Variants in PLXNA4 observed in about 807,000 individuals in gnomAD.
The protein encoded by PLXNA4 is plexin-A4.
In PLXNA4, 44 loss-of-function variants were observed where a neutral mutation model predicts 191.8. The ratio of observed to expected loss-of-function variants is 0.23; its 90% CI spans 0.18 to 0.29. The LOEUF is 0.29. Ranked by LOEUF, PLXNA4 falls within the 10% of genes least tolerant of loss-of-function variation. The probability of loss-of-function intolerance (pLI) is 1.00; values close to 1 mark genes in which losing one functional copy is unlikely to be tolerated. For missense variants in PLXNA4, 1,800 were observed against 2,488.8 expected, an observed-to-expected ratio of 0.72 and a Z score of 5.89; for synonymous variants, 1,082 against 1,009.5, an observed-to-expected ratio of 1.07 and a Z score of -1.36.
At chr7:132,144,686 C>T (rs1795367321) in intron 29 of PLXNA4, among the ~76,000 whole-genome samples, 1 of 152,200 alleles carries the variant, frequency 6.6e-6, no homozygotes, top group South Asian at 2.1e-4. Context: ...TTGTCCCACA[C>T]CAGCAGACTT....
intron 1 of PLXNA4, among the ~76,000 whole-genome samples, chr7:132,572,624 A>G (rs12534663): frequency 0.038 from 5,783 of 152,240 alleles, 256 homozygotes; most frequent in African/African-American, 0.1. Flanking sequence ...TTCGTTTTAA[A>G]ATCCATCTCT....
chr7:132,173,646 C>T (rs1179373567), intron 21 of PLXNA4, among the ~76,000 whole-genome samples: 2 of 152,238 alleles, frequency 1.3e-5, no homozygotes, highest in African/African-American at 4.8e-5. Flanking sequence ...CAGAGGTGCA[C>T]AGCCTACTAC....
chr7:132,557,229 C>T (rs558028718), intron 1 of PLXNA4, among the ~76,000 whole-genome samples: 26 of 152,296 alleles, frequency 1.7e-4, no homozygotes, highest in African/African-American at 4.8e-4. Context: ...TCAGACCTAC[C>T]TGCACCATGA....
At chr7:132,173,247 A>C (rs1351524621) in intron 21 of PLXNA4, among the ~76,000 whole-genome samples, 1 of 152,254 alleles carries the variant, frequency 6.6e-6, no homozygotes, top group Non-Finnish European at 1.5e-5. Flanking sequence ...GAAAAATAAA[A>C]GGAAGAGAAA....
chr7:132,160,285 A>G (rs1795910999), intron 24 of PLXNA4, among the ~76,000 whole-genome samples: 1 of 152,184 alleles, frequency 6.6e-6, no homozygotes, highest in Non-Finnish European at 1.5e-5. Context: ...GGTTCAGGAC[A>G]CCTGAGATTC....
At chr7:132,219,799 G>A (rs1038250496) in intron 9 of PLXNA4, among the ~76,000 whole-genome samples, 3 of 152,098 alleles carry the variant, frequency 2.0e-5, no homozygotes, top group Admixed American at 1.3e-4. Flanking sequence ...TTTTTACCAT[G>A]CTTTTTCTAT....
chr7:132,442,410 C>T (rs568306304), intron 3 of PLXNA4, among the ~76,000 whole-genome samples: 1 of 152,300 alleles, frequency 6.6e-6, no homozygotes, highest in South Asian at 2.1e-4. Context: ...TCCCAACCCC[C>T]ATCCCACTTT....
At chr7:132,204,283 A>T (rs1240477447) in intron 10 of PLXNA4, among the ~76,000 whole-genome samples, 1 of 152,208 alleles carries the variant, frequency 6.6e-6, no homozygotes, top group Non-Finnish European at 1.5e-5. Flanking sequence ...GATGGCCCCT[A>T]GTCTGCCTTC....
chr7:132,599,504 T>A (rs1802778170), intron 2 of PLXNA4, among the ~76,000 whole-genome samples: 1 of 152,194 alleles, frequency 6.6e-6, no homozygotes, highest in South Asian at 2.1e-4. Context: ...ACTCTATTTT[T>A]AAATATTTTA....
intron 3 of PLXNA4, among the ~76,000 whole-genome samples, chr7:132,359,512 T>A (rs1803850314): frequency 6.6e-6 from 1 of 152,166 alleles, no homozygotes; most frequent in African/African-American, 2.4e-5. Flanking sequence ...CTACCGTGCC[T>A]GGCTGTCAAG....
At chr7:132,162,970 T>A (rs912422337) in intron 24 of PLXNA4, among the ~76,000 whole-genome samples, 4 of 152,062 alleles carry the variant, frequency 2.6e-5, no homozygotes, top group African/African-American at 4.8e-5. Context: ...TCACACTCCC[T>A]CCCAGTACTA....
intron 1 of PLXNA4, among the ~76,000 whole-genome samples, chr7:132,563,805 TCTCCTC>T (rs1801528010): frequency 3.1e-5 from 1 of 32,772 alleles, no homozygotes; most frequent in African/African-American, 1.2e-4. Context: ...TCCTCCTCCT[TCTCCTC>T]CTCCTTCTCC....
At chr7:132,464,303 G>T (rs895699368) in intron 3 of PLXNA4, among the ~76,000 whole-genome samples, 10 of 152,160 alleles carry the variant, frequency 6.6e-5, no homozygotes, top group South Asian at 4.1e-4. Flanking sequence ...GAAATTAAGA[G>T]TCTGCCATTG....
At position 132,259,436 on chromosome 7, in the gene PLXNA4, C is replaced by CAAAAAAAAAAAAAAAAAAAAAAAAAAAAA. The variant is rs55902635; in HGVS notation, c.1504-18299_1504-18271dup. Reference sequence around the variant, plus strand: ...GGGCAACAAGAGCAAAACTCCAACTCAAAAAAAAAAAAAAAAAAAAAAAAA... The same window carrying CAAAAAAAAAAAAAAAAAAAAAAAAAAAAA: ...GGGCAACAAGAGCAAAACTCCAACTCAAAAAAAAAAAAAAAAAAAAAAAAAAAAAAAAAAAAAAAAAAAAAAAAAAAAAA... On this transcript the variant is annotated intron_variant, in intron 4 of 31. Transcript: ENST00000321063. Among the ~76,000 whole-genome samples, 19 of 33,866 alleles carry CAAAAAAAAAAAAAAAAAAAAAAAAAAAAA rather than the reference C, an allele frequency of 5.6e-4. 2 individuals carry two copies. Among genetic ancestry groups the CAAAAAAAAAAAAAAAAAAAAAAAAAAAAA allele is most frequent in the African/African-American group, 1.2e-3 (11 of 9,232 alleles). 22.2% of individuals were successfully genotyped at this position (33,866 alleles called of 152,430 possible).
intron 4 of PLXNA4, among the ~76,000 whole-genome samples, chr7:132,297,829 C>G (rs142819839): frequency 1.3e-5 from 2 of 152,100 alleles, no homozygotes; most frequent in Non-Finnish European, 2.9e-5. Context: ...ATGTTGGCCC[C>G]GAACATATAT....
At chr7:132,526,304 G>A (rs892103072) in intron 1 of PLXNA4, among the ~76,000 whole-genome samples, 1 of 152,248 alleles carries the variant, frequency 6.6e-6, no homozygotes, top group African/African-American at 2.4e-5. Flanking sequence ...AGACATAGCA[G>A]CCCTCCCGTT....
At chr7:132,180,791 G>A (rs1329136312) in intron 18 of PLXNA4, 59 bp from the exon 19 acceptor site, 16 of 1,578,682 alleles carry the variant, frequency 1.0e-5, no homozygotes, top group African/African-American at 1.3e-5. Flanking sequence ...GCTACCAGCT[G>A]GCTCTCATGT....
chr7:132,531,085 G>A (rs1186298330), intron 1 of PLXNA4, among the ~76,000 whole-genome samples: 3 of 152,188 alleles, frequency 2.0e-5, no homozygotes, highest in Non-Finnish European at 4.4e-5. Flanking sequence ...AAGAGAATGG[G>A]GAGTTATTAA....
chr7:132,534,556 C>T (rs1163222488), intron 1 of PLXNA4, among the ~76,000 whole-genome samples: 6 of 152,086 alleles, frequency 3.9e-5, no homozygotes, highest in Admixed American at 1.3e-4. Context: ...TCTGTAGTGG[C>T]GGAATGGGGT....
Sources: allele counts gnomAD v4.1 joint callset (sites outside exome capture counted in the v4.1 genomes callset), GRCh38; gene constraint gnomAD v4.1.1; transcripts MANE v1.5; gene names NCBI Gene and HGNC (gene_info 2026-07-23, HGNC 2026-07-21).